The following SLC38A8 variants were observed in gnomAD, a reference collection of about 807,000 sequenced individuals.
SLC38A8 encodes solute carrier family 38 member 8.
Under a neutral mutation model 46.0 loss-of-function variants are expected in SLC38A8, and 65 were observed. The observed-to-expected ratio is 1.41, with a 90% CI of 1.16 to 1.74. The LOEUF (loss-of-function observed/expected upper bound fraction) is 1.74, where lower values mean the gene tolerates loss of function less well. Among genes scored for constraint, SLC38A8 ranks in the 40% most tolerant of loss-of-function variants. The pLI is 0.00. For missense variants in SLC38A8, 998 were observed against 567.9 expected (o/e 1.76, Z -7.70); for synonymous variants, 447 against 243.7 (o/e 1.83, Z -7.77).
chr16:84,032,772 G>A (rs1164628824), intron 4 of SLC38A8, among the ~76,000 whole-genome samples: 1 of 152,190 alleles, frequency 6.6e-6, no homozygotes, highest in Non-Finnish European at 1.5e-5. Context: ...GAGGGAGATG[G>A]ATACTGTTTC....
intron 7 of SLC38A8, among the ~76,000 whole-genome samples, chr16:84,018,641 C>T (rs922710110): frequency 4.6e-5 from 7 of 152,138 alleles, no homozygotes; most frequent in African/African-American, 1.7e-4. Context: ...TTCAGCTGGA[C>T]CTAGAAACTA....
At position 84,012,785 on chromosome 16, in the gene SLC38A8, G is replaced by T. The variant is rs111375709; in HGVS notation, c.1214+216C>A. ...CAACCACAGACCCTCAGAGTGGAAGGGAAGGCCCTTGGAGGACCCGGTGTT... is the reference window on the plus strand; with the variant it reads ...CAACCACAGACCCTCAGAGTGGAAGTGAAGGCCCTTGGAGGACCCGGTGTT... On this transcript the variant is annotated intron_variant, in intron 10 of 10. Transcript: ENST00000299709. 6.8e-4 allele frequency among the ~76,000 whole-genome samples: 104 copies of T among 152,342 alleles called. 1 individual carries two copies. Among genetic ancestry groups the T allele is most frequent in the African/African-American group, 2.1e-3 (86 of 41,590 alleles).
chr16:84,030,873 C>A (rs2085229631), intron 5 of SLC38A8, among the ~76,000 whole-genome samples: 1 of 146,144 alleles, frequency 6.8e-6, no homozygotes, highest in Non-Finnish European at 1.5e-5. Flanking sequence ...AGCCCTGCCA[C>A]TGGGAAATCC....
At chr16:84,037,473 T>A (rs955292992) in intron 2 of SLC38A8, among the ~76,000 whole-genome samples, 8 of 152,192 alleles carry the variant, frequency 5.3e-5, no homozygotes, top group Admixed American at 4.6e-4. Flanking sequence ...CAAGAAATGG[T>A]GTTCCGGCTG....
At chr16:84,015,206 G>A (rs1214358814) in intron 9 of SLC38A8, among the ~76,000 whole-genome samples, 2 of 152,114 alleles carry the variant, frequency 1.3e-5, no homozygotes, top group African/African-American at 2.4e-5. Flanking sequence ...TGGGGCCCTG[G>A]AACACACCCC....
chr16:84,024,511 T>C (rs1314570483), intron 6 of SLC38A8, among the ~76,000 whole-genome samples: 1 of 151,782 alleles, frequency 6.6e-6, no homozygotes, highest in Non-Finnish European at 1.5e-5. Context: ...GAGGGAGCGG[T>C]GGCTCACGCC....
At chr16:84,024,523 G>T (rs1050565166) in intron 6 of SLC38A8, among the ~76,000 whole-genome samples, 2 of 151,744 alleles carry the variant, frequency 1.3e-5, no homozygotes, top group East Asian at 4.0e-4. Context: ...GCTCACGCCT[G>T]TAATCCCAGC....
rs185463443 is a variant in SLC38A8, at chr16:84,022,684, C to T, written c.805+91G>A. ...AAAACATTGAGTATTGAGCCCAGCACGTGGTAAACTCTCTAGAGAGATACT... is the reference window on the plus strand; with the variant it reads ...AAAACATTGAGTATTGAGCCCAGCATGTGGTAAACTCTCTAGAGAGATACT... On this transcript the variant is annotated intron_variant, in intron 7 of 10. Coordinates refer to ENST00000299709, the MANE Select transcript of SLC38A8 (RefSeq NM_001080442.3). 9.3e-4 allele frequency: 894 copies of T among 964,678 alleles called. 4 individuals are homozygous for T. Among genetic ancestry groups the T allele is most frequent in the Non-Finnish European group, 6.7e-4 (416 of 621,982 alleles). The allele number at this position is 964,678 out of a possible 1,614,324, so 59.8% of individuals were successfully genotyped here.
At chr16:84,012,695 G>C (rs571691903) in intron 10 of SLC38A8, among the ~76,000 whole-genome samples, 2 of 152,340 alleles carry the variant, frequency 1.3e-5, no homozygotes, top group African/African-American at 2.4e-5. Flanking sequence ...GTCCGAGCCA[G>C]GTAACAAAGG....
Position 84,036,766 on chromosome 16 carries a change from G to GA in SLC38A8, c.323dup (p.Leu109ProfsTer24), listed in dbSNP as rs1335352747. The GA allele has an allele frequency of 3.1e-6, 5 of 1,614,106 alleles. No individual in the cohort carries two copies. Among genetic ancestry groups the GA allele is most frequent in the African/African-American group, 1.3e-5 (1 of 74,948 alleles). ...CGGAGATCATGAGCAGGTTGAGGAGGAAGCAGGCCTCACACAGCTTCCCAA... is the reference window on the plus strand; with the variant it reads ...CGGAGATCATGAGCAGGTTGAGGAGGAAAGCAGGCCTCACACAGCTTCCCAA... On this transcript the variant is annotated frameshift_variant, in exon 3 of 11. Coordinates refer to ENST00000299709, the MANE Select transcript of SLC38A8 (RefSeq NM_001080442.3). LOFTEE classifies it high-confidence loss of function.
At chr16:84,033,981 G>A (rs1037107596) in intron 3 of SLC38A8, among the ~76,000 whole-genome samples, 2 of 152,222 alleles carry the variant, frequency 1.3e-5, no homozygotes, top group Non-Finnish European at 2.9e-5. Context: ...TAGAGAGTTA[G>A]TACAGGGCCA....
chr16:84,009,953 A>C, intron 10 of SLC38A8, 76 bp from the exon 11 acceptor site: 1 of 1,304,894 alleles, frequency 7.7e-7, no homozygotes. Context: ...TAAAAAATTC[A>C]CTATGTAGAG....
intron 7 of SLC38A8, 144 bp from the exon 8 acceptor site, chr16:84,017,431 G>T: frequency 3.1e-6 from 3 of 956,874 alleles, no homozygotes; most frequent in Non-Finnish European, 4.6e-6. Flanking sequence ...ATAGCCCAAA[G>T]CTTTCCTGTC....
intron 2 of SLC38A8, among the ~76,000 whole-genome samples, chr16:84,038,583 G>A (rs959546107): frequency 6.6e-6 from 1 of 152,172 alleles, no homozygotes; most frequent in African/African-American, 2.4e-5. Context: ...CTTTTCTCTT[G>A]TAGGGTGAAT....
At chr16:84,017,395 G>C in intron 7 of SLC38A8, 108 bp from the exon 8 acceptor site, 2 of 1,340,020 alleles carry the variant, frequency 1.5e-6, no homozygotes. Context: ...ATTTTCCTTA[G>C]GAGCTGAAAG....
At chr16:84,032,045 G>A (rs1235652458) in intron 4 of SLC38A8, 77 bp from the exon 5 acceptor site, 7 of 1,245,822 alleles carry the variant, frequency 5.6e-6, no homozygotes, top group South Asian at 2.5e-5. Context: ...AGTGGGATCT[G>A]AATCCCAGCT....
At chr16:84,013,711 G>A (rs368263655) in intron 9 of SLC38A8, among the ~76,000 whole-genome samples, 1 of 150,644 alleles carries the variant, frequency 6.6e-6, no homozygotes, top group Non-Finnish European at 1.5e-5. Flanking sequence ...TTACAGGCAT[G>A]AGCCACTGCA....
At chr16:84,016,345 A>G (rs562764520) in intron 9 of SLC38A8, among the ~76,000 whole-genome samples, 174 bp downstream of exon 9, 2 of 152,328 alleles carry the variant, frequency 1.3e-5, no homozygotes, top group East Asian at 3.9e-4. Flanking sequence ...GAGGGAAGGT[A>G]TGTAAAGCCC....
Position 84,009,751 on chromosome 16 carries a change from G to C in SLC38A8, c.*33C>G. ...AGCAGCCACGTAGGGTCAGCCCCCGGAGGGCCCCTTCCTGCCCGGCACTAG... is the reference window on the plus strand; with the variant it reads ...AGCAGCCACGTAGGGTCAGCCCCCGCAGGGCCCCTTCCTGCCCGGCACTAG... On this transcript the variant is annotated 3_prime_UTR_variant, in exon 11 of 11. Transcript: ENST00000299709. 6.3e-7 allele frequency: 1 copy of C among 1,596,622 alleles called. No individual in the cohort carries two copies. The highest frequency in any genetic ancestry group is 8.6e-7 in the Non-Finnish European group (1 of 1,169,398).
Sources: allele counts gnomAD v4.1 joint callset (sites outside exome capture counted in the v4.1 genomes callset), GRCh38; gene constraint gnomAD v4.1.1; transcripts MANE v1.5; gene names NCBI Gene and HGNC (gene_info 2026-07-23, HGNC 2026-07-21).